Variants in WDR17 observed in about 807,000 individuals in gnomAD.
WDR17 encodes WD repeat-containing protein 17.
A neutral mutation model predicts 161.7 loss-of-function variants in WDR17; 143 were observed. The observed-to-expected ratio is 0.88, with a 90% confidence interval of 0.77 to 1.02. The LOEUF (loss-of-function observed/expected upper bound fraction) is 1.02. Ranked by LOEUF, WDR17 falls within the 50% of genes least tolerant of loss-of-function variation. The pLI is 0.00. For synonymous variants in WDR17, 517 were observed against 515.6 expected (o/e 1.00, Z -0.04); for missense variants, 1,469 against 1,520.9 (o/e 0.97, Z 0.57).
rs548366833 is a variant in WDR17, at chr4:176,080,946, A to G, written c.-7+14867A>G. On this transcript the variant is annotated intron_variant, in intron 1 of 28. Transcript: ENST00000508596. ...ATGTCGCACTGACATTTTGCATTCA[A>G]TATCTTTTAATAGAGCTTTATCGCT... Among the ~76,000 whole-genome samples the G allele has an allele frequency of 4.8e-5, 7 of 146,456 alleles. 1 individual carries two copies. The South Asian group carries it at 1.3e-3, about 28-fold the overall frequency.
In WDR17 at chr4:176,119,911, G is replaced by A. The variant is rs1390575976; in HGVS notation, c.352G>A (p.Val118Met). 6.2e-7 allele frequency: 1 copy of A among 1,614,092 alleles called. No homozygotes were observed. The highest frequency in any genetic ancestry group is 1.7e-5 in the Admixed American group (1 of 60,018). ...LSWCWNAEDV[V>M]AFVSHRGPLF... is the part of the protein sequence containing the mutation. ...TTGGTGCTGGAATGCAGAGGATGTG[G>A]TGGCATTTGTTTCCCACAGAGGCCC... is the stretch of plus-strand genomic sequence containing the variant. Residue 118 changes from valine to methionine, a missense_variant, in exon 4 of 29, where the codon GTG becomes ATG. Val to Met is a conservative substitution (Grantham distance 21, BLOSUM62 1). Coordinates refer to ENST00000508596, the MANE Select transcript of WDR17 (RefSeq NM_181265.4).
At chr4:176,089,282 C>T (rs1219712931) in intron 1 of WDR17, among the ~76,000 whole-genome samples, 1 of 152,188 alleles carries the variant, frequency 6.6e-6, no homozygotes, top group African/African-American at 2.4e-5. Flanking sequence ...AACTCTTTCA[C>T]AACTTCTAAT....
At chr4:176,090,479 C>A (rs1304182210) in intron 1 of WDR17, among the ~76,000 whole-genome samples, 1 of 152,056 alleles carries the variant, frequency 6.6e-6, no homozygotes, top group Non-Finnish European at 1.5e-5. Flanking sequence ...AGCCTTATAG[C>A]AAGACAAACA....
chr4:176,095,605 C>G (rs746383584), intron 1 of WDR17, among the ~76,000 whole-genome samples: 28 of 151,982 alleles, frequency 1.8e-4, no homozygotes, highest in Non-Finnish European at 3.8e-4. Context: ...CCCCCCTCCC[C>G]TACCCTCCTT....
At chr4:176,135,830 A>T (rs557629885) in intron 8 of WDR17, among the ~76,000 whole-genome samples, 2 of 151,594 alleles carry the variant, frequency 1.3e-5, no homozygotes, top group African/African-American at 4.8e-5. Context: ...TTTCCCCATA[A>T]CAAATAATTT....
chr4:176,114,651 T>C (rs1193835223), intron 2 of WDR17, among the ~76,000 whole-genome samples: 4 of 151,788 alleles, frequency 2.6e-5, no homozygotes, highest in Non-Finnish European at 5.9e-5. Context: ...GGTGATAAGA[T>C]AAATAAGTAA....
rs1043540932 is a variant in WDR17, at chr4:176,181,235, G to T, written c.*1656G>T. 1.3e-5 allele frequency: 2 copies of T among 151,032 alleles called. No individual in the cohort carries two copies. The highest frequency in any genetic ancestry group is 2.9e-5 in the Non-Finnish European group (2 of 67,908). The allele number at this position is 151,032 out of a possible 1,614,324, so 9.4% of individuals were successfully genotyped here. A position where few individuals can be genotyped will look rare whatever the true frequency, so the allele number is the denominator to read the frequency against. On this transcript the variant is annotated 3_prime_UTR_variant, in exon 29 of 29. Transcript: ENST00000508596. ...TGTAATCCCAGCACTTCAGGAGGCC[G>T]AGATGGGCAGATCTTGAGGTCGGTA...
At chr4:176,105,581 A>C (rs1357179084) in intron 1 of WDR17, among the ~76,000 whole-genome samples, 1 of 152,156 alleles carries the variant, frequency 6.6e-6, no homozygotes, top group African/African-American at 2.4e-5. Flanking sequence ...AAAAATTCGC[A>C]AATTTGTGGA....
intron 8 of WDR17, among the ~76,000 whole-genome samples, chr4:176,135,753 A>G (rs188654205): frequency 9.2e-5 from 14 of 151,674 alleles, no homozygotes; most frequent in African/African-American, 2.9e-4. Flanking sequence ...ATGCCACCTT[A>G]TACCTTGCTG....
At chr4:176,172,880 C>G (rs1750936046) in intron 24 of WDR17, among the ~76,000 whole-genome samples, 1 of 152,170 alleles carries the variant, frequency 6.6e-6, no homozygotes, top group Non-Finnish European at 1.5e-5. Context: ...CAAGAATTCA[C>G]TCATCACCAA....
chr4:176,134,550 T>C (rs1330406520), intron 7 of WDR17, among the ~76,000 whole-genome samples: 1 of 151,678 alleles, frequency 6.6e-6, no homozygotes, highest in Non-Finnish European at 1.5e-5. Flanking sequence ...TTCCAAAGAA[T>C]AGACTTGCTA....
In WDR17 at chr4:176,146,176, T is replaced by C; in HGVS notation, c.1694+17T>C. On this transcript the variant is annotated intron_variant, in intron 12 of 28. Coordinates refer to ENST00000508596, the MANE Select transcript of WDR17 (RefSeq NM_181265.4). ...TGATGATGGGTATGTATTTTTGGAT[T>C]CTAATTTTCTAGTCCTTAAAATCAT... The C allele has an allele frequency of 1.9e-6, 3 of 1,606,784 alleles. No individual in the cohort carries two copies. The highest frequency in any genetic ancestry group is 1.7e-4 in the Middle Eastern group (1 of 6,010).
chr4:176,112,612 A>G (rs549577830), intron 2 of WDR17, among the ~76,000 whole-genome samples: 9 of 152,250 alleles, frequency 5.9e-5, no homozygotes, highest in African/African-American at 1.9e-4. Flanking sequence ...TTGCCTGTCT[A>G]GAGAACACTT....
intron 2 of WDR17, 81 bp from the exon 3 acceptor site, chr4:176,115,715 A>T: frequency 9.1e-7 from 1 of 1,098,000 alleles, no homozygotes; most frequent in Non-Finnish European, 1.2e-6. Flanking sequence ...ATGTAGCTTT[A>T]GTTTTGTGTA....
intron 7 of WDR17, among the ~76,000 whole-genome samples, chr4:176,134,888 G>A (rs950620784): frequency 9.2e-5 from 14 of 151,614 alleles, no homozygotes; most frequent in African/African-American, 3.4e-4. Flanking sequence ...AGGAACCGTG[G>A]TTGACTAAAA....
chr4:176,169,964 T>A (rs1435936704), intron 23 of WDR17, among the ~76,000 whole-genome samples: 5 of 152,206 alleles, frequency 3.3e-5, no homozygotes, highest in Admixed American at 3.3e-4. Context: ...TTAAAATGCA[T>A]ATGAAAGAAA....
At chr4:176,168,594 G>A in intron 22 of WDR17, 78 bp from the exon 23 acceptor site, 2 of 1,537,026 alleles carry the variant, frequency 1.3e-6, no homozygotes, top group Non-Finnish European at 8.9e-7. Context: ...TATATGAATT[G>A]CCCTTCTTTG....
chr4:176,124,003 G>A (rs975252162), intron 4 of WDR17, among the ~76,000 whole-genome samples: 3 of 152,186 alleles, frequency 2.0e-5, no homozygotes, highest in African/African-American at 7.2e-5. Context: ...GTAATGCCAG[G>A]AAACAGGGAT....
At chr4:176,074,741 C>T (rs958713602) in intron 1 of WDR17, among the ~76,000 whole-genome samples, 2 of 151,572 alleles carry the variant, frequency 1.3e-5, no homozygotes, top group African/African-American at 4.8e-5. Context: ...ATACACGAGC[C>T]CCTGTGCTAA....
Sources: gnomAD v4.1 joint callset for allele counts (sites outside exome capture counted in the v4.1 genomes callset) on GRCh38, gnomAD v4.1.1 for gene constraint, MANE v1.5 for transcripts, NCBI Gene and HGNC (gene_info 2026-07-23, HGNC 2026-07-21) for gene names.